Variants in NELL1 observed in about 807,000 individuals in gnomAD.
NELL1 encodes neural EGFL like 1.
A neutral mutation model predicts 107.4 loss-of-function variants in NELL1; 76 were observed. That is an observed-to-expected ratio of 0.71 (90% CI 0.59 to 0.86). The LOEUF (loss-of-function observed/expected upper bound fraction) is 0.86. Ranked by LOEUF, NELL1 falls within the 40% of genes least tolerant of loss-of-function variation. The pLI is 0.00. For synonymous variants in NELL1, 353 were observed against 341.2 expected (o/e 1.03, Z -0.38); for missense variants, 1,024 against 1,005.5 (o/e 1.02, Z -0.25).
intron 13 of NELL1, among the ~76,000 whole-genome samples, chr11:21,144,858 C>T (rs1386677288): frequency 2.0e-5 from 3 of 152,114 alleles, no homozygotes; most frequent in Non-Finnish European, 4.4e-5. Flanking sequence ...TTTCCCATGA[C>T]AAGGAAGTTC....
intron 12 of NELL1, among the ~76,000 whole-genome samples, chr11:21,038,725 G>A (rs1339920765): frequency 6.6e-6 from 1 of 152,142 alleles, no homozygotes; most frequent in African/African-American, 2.4e-5. Flanking sequence ...AGAGTGGGGA[G>A]GGGTAGATTA....
intron 12 of NELL1, among the ~76,000 whole-genome samples, chr11:21,032,787 A>G (rs1023137596): frequency 7.2e-5 from 11 of 152,092 alleles, no homozygotes; most frequent in African/African-American, 2.4e-4. Flanking sequence ...ATCAATTGTT[A>G]TTTATATTAT....
intron 15 of NELL1, among the ~76,000 whole-genome samples, chr11:21,384,666 A>T (rs1851698013): frequency 1.3e-5 from 2 of 151,718 alleles, no homozygotes; most frequent in Non-Finnish European, 2.9e-5. Flanking sequence ...TTCATTGTTC[A>T]ATTCCCACCT....
intron 15 of NELL1, among the ~76,000 whole-genome samples, chr11:21,531,340 T>C (rs1855985726): frequency 6.6e-6 from 1 of 152,218 alleles, no homozygotes; most frequent in Non-Finnish European, 1.5e-5. Context: ...ATTATCTTTC[T>C]GTAAATAATC....
At chr11:20,718,479 T>G (rs4515968) in intron 2 of NELL1, among the ~76,000 whole-genome samples, 105,972 of 151,586 alleles carry the variant, frequency 0.7, 40,660 homozygotes, top group East Asian at 0.95. Flanking sequence ...TTTTTTTTTA[T>G]TTAATAGATT....
chr11:21,484,848 CAT>C (rs1590968526), intron 15 of NELL1, among the ~76,000 whole-genome samples: 1 of 152,038 alleles, frequency 6.6e-6, no homozygotes, highest in Non-Finnish European at 1.5e-5. Context: ...AGTTAGTACA[CAT>C]GTCTTCCATG....
intron 15 of NELL1, among the ~76,000 whole-genome samples, chr11:21,463,990 G>A (rs1853963228): frequency 6.6e-6 from 1 of 152,022 alleles, no homozygotes; most frequent in Non-Finnish European, 1.5e-5. Flanking sequence ...AAATATCCAT[G>A]GTATCCTCAT....
chr11:20,755,533 G>GTT (rs1564894850), intron 2 of NELL1, among the ~76,000 whole-genome samples: 4 of 60,576 alleles, frequency 6.6e-5, no homozygotes, highest in African/African-American at 1.7e-4. Context: ...GACCTGTGTG[G>GTT]GTTTTTGTTT....
intron 15 of NELL1, among the ~76,000 whole-genome samples, chr11:21,490,618 C>T (rs1854779876): frequency 6.6e-6 from 1 of 151,844 alleles, no homozygotes; most frequent in Non-Finnish European, 1.5e-5. Flanking sequence ...GACAATGGAA[C>T]AGAATAGAAA....
chr11:20,988,689 C>T (rs751243781), intron 12 of NELL1, among the ~76,000 whole-genome samples: 3 of 151,638 alleles, frequency 2.0e-5, no homozygotes, highest in Non-Finnish European at 4.4e-5. Flanking sequence ...CTCCCGGGTT[C>T]ACGCCATTCT....
At chr11:21,477,890 A>G (rs1311250390) in intron 15 of NELL1, among the ~76,000 whole-genome samples, 3 of 130,936 alleles carry the variant, frequency 2.3e-5, no homozygotes, top group Non-Finnish European at 4.7e-5. Flanking sequence ...TATAATAAAT[A>G]AAATTATAAA....
chr11:20,925,708 T>C (rs972768024), intron 7 of NELL1, among the ~76,000 whole-genome samples: 4 of 152,172 alleles, frequency 2.6e-5, no homozygotes, highest in Admixed American at 1.3e-4. Context: ...TCATGGTGCA[T>C]GGTGGTTGGT....
At chr11:21,193,782 C>A (rs1857095572) in intron 13 of NELL1, among the ~76,000 whole-genome samples, 2 of 151,752 alleles carry the variant, frequency 1.3e-5, no homozygotes, top group African/African-American at 4.9e-5. Flanking sequence ...AGATTGTCTG[C>A]TGGTTTCATT....
intron 13 of NELL1, among the ~76,000 whole-genome samples, chr11:21,215,835 A>G (rs1314831617): frequency 1.3e-5 from 2 of 152,144 alleles, no homozygotes; most frequent in Non-Finnish European, 1.5e-5. Flanking sequence ...TTGCAGCCTG[A>G]CAATGTAATA....
chr11:20,741,552 C>G (rs1195076759), intron 2 of NELL1, among the ~76,000 whole-genome samples: 1 of 152,148 alleles, frequency 6.6e-6, no homozygotes, highest in Non-Finnish European at 1.5e-5. Flanking sequence ...TCTTCCCTGT[C>G]AAGCCACCAA....
intron 11 of NELL1, among the ~76,000 whole-genome samples, chr11:20,950,450 T>G (rs1192276162): frequency 6.6e-6 from 1 of 152,200 alleles, no homozygotes; most frequent in Non-Finnish European, 1.5e-5. Context: ...CATAATCATC[T>G]CTCACAATTT....
chr11:20,893,530 G>A (rs1849662142), intron 5 of NELL1, among the ~76,000 whole-genome samples: 2 of 151,818 alleles, frequency 1.3e-5, no homozygotes. Flanking sequence ...ATTAACTTTA[G>A]ACTTTAAGTC....
intron 13 of NELL1, among the ~76,000 whole-genome samples, chr11:21,148,154 T>A (rs1466321039): frequency 1.3e-5 from 2 of 152,158 alleles, no homozygotes; most frequent in Non-Finnish European, 2.9e-5. Context: ...GAAATACTGT[T>A]GTAAAGGGAT....
chr11:20,740,091 T>C (rs1855857291), intron 2 of NELL1, among the ~76,000 whole-genome samples: 1 of 152,204 alleles, frequency 6.6e-6, no homozygotes, highest in Admixed American at 6.5e-5. Flanking sequence ...GAGGGAAGAA[T>C]AGCCAACACT....
Sources: gnomAD v4.1 joint callset for allele counts (sites outside exome capture counted in the v4.1 genomes callset) on GRCh38, gnomAD v4.1.1 for gene constraint, MANE v1.5 for transcripts, NCBI Gene and HGNC (gene_info 2026-07-23, HGNC 2026-07-21) for gene names.